SLC4A8: variants seen among roughly 807,000 people sequenced by gnomAD.
SLC4A8 encodes the protein solute carrier family 4 member 8.
A neutral mutation model predicts 125.0 loss-of-function variants in SLC4A8; 40 were observed. The ratio of observed to expected loss-of-function variants is 0.32; its 90% CI spans 0.25 to 0.42. The LOEUF is 0.42. Among genes scored for constraint, SLC4A8 ranks in the 10% least tolerant of loss-of-function variants. The pLI is 1.00. For missense variants in SLC4A8, 863 were observed against 1,355.1 expected (o/e 0.64, Z 5.70); for synonymous variants, 456 against 476.0 (o/e 0.96, Z 0.55).
intron 22 of SLC4A8, among the ~76,000 whole-genome samples, chr12:51,499,624 T>TACAC (rs143239328): frequency 0.074 from 10,609 of 143,278 alleles, 404 homozygotes; most frequent in East Asian, 0.11. Context: ...GCTATAATTC[T>TACAC]ACACACACAC....
In SLC4A8 at chr12:51,450,959, C is replaced by G. The variant is rs1159918133; in HGVS notation, c.214C>G (p.Arg72Gly). The G allele has an allele frequency of 1.3e-6, 2 of 1,599,416 alleles. No homozygotes were observed. The highest frequency in any genetic ancestry group is 1.7e-6 in the Non-Finnish European group (2 of 1,171,754). ...TCACCGCACTCATGGCCAGAAGCAC[C>G]GGAGACGAGGGCGGGGCAAAGGAGC... ...RHHRTHGQKH[R>G]RRGRGKGASQ... The change falls in exon 3 of 25, where the codon CGG becomes GGG. Residue 72 changes from arginine (R) to glycine (G), a missense_variant. Arg to Gly is a moderately radical substitution (Grantham distance 125, BLOSUM62 -2). Transcript: ENST00000453097.
intron 20 of SLC4A8, chr12:51,494,703 G>A (rs1342754402): frequency 5.2e-6 from 2 of 384,964 alleles, no homozygotes; most frequent in East Asian, 4.0e-5. Flanking sequence ...GAGACACAGT[G>A]TGGGATAAGA....
At chr12:51,498,465 AAAAG>A (rs1329506463) in intron 22 of SLC4A8, among the ~76,000 whole-genome samples, 4 of 152,106 alleles carry the variant, frequency 2.6e-5, no homozygotes, top group Non-Finnish European at 4.4e-5. Flanking sequence ...TAAAAAATAA[AAAAG>A]AAATGAAAAT....
intron 1 of SLC4A8, among the ~76,000 whole-genome samples, chr12:51,435,855 T>C (rs1490888284): frequency 6.6e-6 from 1 of 152,138 alleles, no homozygotes; most frequent in Non-Finnish European, 1.5e-5. Context: ...ACCTTGTACA[T>C]TTCCTGGCTG....
rs548442805 is a variant in SLC4A8 at position 51,509,942 on chromosome 12, C to G, written c.*2504C>G. The G allele has an allele frequency of 6.6e-6, 1 of 152,400 alleles. No homozygotes were observed. The highest frequency in any genetic ancestry group is 2.4e-5 in the African/African-American group (1 of 41,404). The allele number at this position is 152,400 out of a possible 1,614,324, so 9.4% of individuals were successfully genotyped here. ...CCACGAGGTGATGGTTGGGGTTGGG[C>G]GAATGGGTTGGATGATCCTGGCTCT... On this transcript the variant is annotated 3_prime_UTR_variant, in exon 25 of 25. Coordinates refer to ENST00000453097, the MANE Select transcript of SLC4A8 (RefSeq NM_001039960.3).
At position 51,497,144 on chromosome 12, in the gene SLC4A8, C is replaced by T; in HGVS notation, c.3081+20C>T. On this transcript the variant is annotated intron_variant, in intron 22 of 24. Transcript: ENST00000453097. ...GAAGAGGTCATAGTCCTTGCACCAA[C>T]TGTATACCTGGGGGCCTCAAATTAC... 1 of 1,594,932 alleles carries T rather than the reference C, an allele frequency of 6.3e-7. No homozygotes were observed. Among genetic ancestry groups the T allele is most frequent in the Non-Finnish European group, 8.5e-7 (1 of 1,174,624 alleles).
intron 1 of SLC4A8, among the ~76,000 whole-genome samples, chr12:51,417,449 C>T (rs1421668097): frequency 1.3e-5 from 2 of 152,110 alleles, no homozygotes; most frequent in East Asian, 1.9e-4. Flanking sequence ...TGGGTTCAAG[C>T]GATTCTCCCA....
Position 51,515,045 on chromosome 12 carries a change from T to C in SLC4A8, c.*7607T>C, listed in dbSNP as rs1380133267. 6.6e-6 allele frequency: 1 copy of C among 152,248 alleles called. No homozygotes were observed. The highest frequency in any genetic ancestry group is 1.5e-5 in the Non-Finnish European group (1 of 68,050). The allele number at this position is 152,248 out of a possible 1,614,324, so 9.4% of individuals were successfully genotyped here. On this transcript the variant is annotated 3_prime_UTR_variant, in exon 25 of 25. Coordinates refer to ENST00000453097, the MANE Select transcript of SLC4A8 (RefSeq NM_001039960.3). ...TTGGAGAATACAGAACTTTTTCTTCTAGCTGATGGCATTAATATTTCTTGA... is the reference window on the plus strand; with the variant it reads ...TTGGAGAATACAGAACTTTTTCTTCCAGCTGATGGCATTAATATTTCTTGA...
At chr12:51,437,937 G>A (rs922836181) in intron 1 of SLC4A8, among the ~76,000 whole-genome samples, 2 of 152,134 alleles carry the variant, frequency 1.3e-5, no homozygotes, top group African/African-American at 4.8e-5. Flanking sequence ...AGGGTCTTGT[G>A]ATTCAGGGTA....
upstream of SLC4A8, among the ~76,000 whole-genome samples, chr12:51,423,963 T>A (rs1948857619): frequency 7.2e-6 from 1 of 137,982 alleles, no homozygotes; most frequent in African/African-American, 2.7e-5. Flanking sequence ...TTGAACTGGA[T>A]AGGCGGAGGT....
At chr12:51,400,446 T>A (rs1433705073) in intron 1 of SLC4A8, among the ~76,000 whole-genome samples, 1 of 151,826 alleles carries the variant, frequency 6.6e-6, no homozygotes, top group Admixed American at 6.6e-5. Flanking sequence ...TGGGACCCAC[T>A]GCCAGGCAGG....
chr12:51,509,765 C>T lies in SLC4A8; in HGVS notation c.*2327C>T, dbSNP rs2138469908. 1 of 152,290 alleles carries T rather than the reference C, an allele frequency of 6.6e-6. No homozygotes were observed. The highest frequency in any genetic ancestry group is 2.1e-4 in the South Asian group (1 of 4,822). 9.4% of individuals were successfully genotyped at this position (152,290 alleles called of 1,614,324 possible). A position where few individuals can be genotyped will look rare whatever the true frequency, so the allele number is the denominator to read the frequency against. The stretch of plus-strand genomic sequence containing the variant: ...GTGCAGGTACAGGACCACCTGTGCA[C>T]TTTAGGGTACTTCTCGAGCTAGACC... On this transcript the variant is annotated 3_prime_UTR_variant, in exon 25 of 25. Coordinates refer to ENST00000453097, the MANE Select transcript of SLC4A8 (RefSeq NM_001039960.3).
intron 5 of SLC4A8, among the ~76,000 whole-genome samples, chr12:51,456,812 G>A (rs1950165156): frequency 6.6e-6 from 1 of 152,130 alleles, no homozygotes; most frequent in Non-Finnish European, 1.5e-5. Flanking sequence ...GATGCTTGGT[G>A]GTAATTGTCT....
rs542670889 is a variant in SLC4A8, at chr12:51,427,775, A to G, written c.48+2740A>G. Among the ~76,000 whole-genome samples, 15 of 152,264 alleles carry G rather than the reference A, an allele frequency of 9.9e-5. No individual in the cohort carries two copies. In the South Asian group the frequency reaches 2.9e-3, roughly 29 times the overall value. On this transcript the variant is annotated intron_variant, in intron 1 of 24. Coordinates refer to ENST00000453097, the MANE Select transcript of SLC4A8 (RefSeq NM_001039960.3). ...ATATCATAAGGCTGTGCTGTTTTGG[A>G]AGATGTGAGCTACTGTCCTAGCCTT...
intron 1 of SLC4A8, among the ~76,000 whole-genome samples, chr12:51,409,987 C>T (rs994005108): frequency 2.6e-5 from 4 of 152,306 alleles, no homozygotes; most frequent in Admixed American, 6.5e-5. Context: ...TCTTGATAAT[C>T]GCCCCTCCAG....
rs563231205 is a variant in SLC4A8, at chr12:51,505,072, G to A, written c.3174-763G>A. Among the ~76,000 whole-genome samples, 33 of 152,298 alleles carry A rather than the reference G, an allele frequency of 2.2e-4. No individual in the cohort carries two copies. The East Asian group carries it at 3.3e-3, about 15-fold the overall frequency. ...GGGGGAAATTAGGACAGTCTTTTTC[G>A]TAATAATAGTCTTGGTTCTTAATAA... On this transcript the variant is annotated intron_variant, in intron 23 of 24. Coordinates refer to ENST00000453097, the MANE Select transcript of SLC4A8 (RefSeq NM_001039960.3).
chr12:51,499,822 AG>A (rs1346675318), intron 22 of SLC4A8, among the ~76,000 whole-genome samples: 2 of 152,138 alleles, frequency 1.3e-5, no homozygotes, highest in African/African-American at 4.8e-5. Flanking sequence ...ATTCCAGGGC[AG>A]GGGTACAGAA....
At chr12:51,493,654 G>C in intron 19 of SLC4A8, 50 bp from the exon 20 acceptor site, 1 of 1,164,094 alleles carries the variant, frequency 8.6e-7, no homozygotes, top group East Asian at 2.3e-5. Flanking sequence ...TTTTGAGTGT[G>C]CTATGATACC....
chr12:51,423,121 A>G (rs971868131), upstream of SLC4A8, among the ~76,000 whole-genome samples: 2 of 152,232 alleles, frequency 1.3e-5, no homozygotes, highest in African/African-American at 4.8e-5. Context: ...GGATTGGTTG[A>G]GGCTCTGTTG....
Sources: gnomAD v4.1 joint callset for allele counts (sites outside exome capture counted in the v4.1 genomes callset) on GRCh38, gnomAD v4.1.1 for gene constraint, MANE v1.5 for transcripts, NCBI Gene and HGNC (gene_info 2026-07-23, HGNC 2026-07-21) for gene names.